CDH4: variants seen among roughly 807,000 people sequenced by gnomAD.
The protein encoded by CDH4 is cadherin-4.
A neutral mutation model predicts 86.0 loss-of-function variants in CDH4; 33 were observed. That is an observed-to-expected ratio of 0.38 (90% CI 0.29 to 0.51). The LOEUF (loss-of-function observed/expected upper bound fraction) is 0.51. Ranked by LOEUF, CDH4 falls within the 20% of genes least tolerant of loss-of-function variation. The pLI, the probability that CDH4 is intolerant of heterozygous loss-of-function variation, is 0.86. For synonymous variants in CDH4, 555 were observed against 549.4 expected (o/e 1.01, Z -0.14); for missense variants, 1,114 against 1,307.4 (o/e 0.85, Z 2.28).
chr20:61,750,791 G>A (rs2088483026), intron 3 of CDH4, among the ~76,000 whole-genome samples: 1 of 152,238 alleles, frequency 6.6e-6, no homozygotes, highest in Non-Finnish European at 1.5e-5. Flanking sequence ...AGTAAGGTTA[G>A]CAAGGGTGCT....
Position 61,902,719 on chromosome 20 carries a change from C to T in CDH4, c.1188+7672C>T, listed in dbSNP as rs763018270. ...AAGATTCAGGCCACAGGCTTGTTGT[C>T]GAGCCCTGACTTCACCTATAGCAAA... On this transcript the variant is annotated intron_variant, in intron 8 of 15. Coordinates refer to ENST00000614565, the MANE Select transcript of CDH4 (RefSeq NM_001794.5). The surrounding 1 kb of genome is among the most constrained non-coding windows in gnomAD (Gnocchi z 4.6). 2.6e-5 allele frequency among the ~76,000 whole-genome samples: 4 copies of T among 152,172 alleles called. No individual in the cohort carries two copies. Among genetic ancestry groups the T allele is most frequent in the Admixed American group, 2.0e-4 (3 of 15,282 alleles).
At chr20:61,920,117 G>GGTA (rs2054957836) in intron 9 of CDH4, among the ~76,000 whole-genome samples, 2 of 148,838 alleles carry the variant, frequency 1.3e-5, no homozygotes, top group African/African-American at 2.5e-5. Flanking sequence ...TTGGAAGCGT[G>GGTA]TCACGGTGAT....
At chr20:61,702,045 C>G (rs926131983) in intron 2 of CDH4, among the ~76,000 whole-genome samples, 3 of 152,140 alleles carry the variant, frequency 2.0e-5, no homozygotes, top group African/African-American at 7.2e-5. Context: ...CCCTCTTCAC[C>G]GAAGTGCAGT....
At chr20:61,427,778 C>T (rs997697668) in intron 2 of CDH4, among the ~76,000 whole-genome samples, 3 of 152,052 alleles carry the variant, frequency 2.0e-5, no homozygotes, top group Non-Finnish European at 2.9e-5. Context: ...ACCCTTCCCT[C>T]ACTGCAGGCA....
chr20:61,911,462 G>T (rs562785641), intron 9 of CDH4, among the ~76,000 whole-genome samples: 1 of 152,316 alleles, frequency 6.6e-6, no homozygotes, highest in South Asian at 2.1e-4. Context: ...TTAGTGTGAA[G>T]AAGTTTAGCA....
rs1383964733 is a variant in CDH4, at chr20:61,879,114, G to A, written c.1050+5214G>A. 5.9e-5 allele frequency among the ~76,000 whole-genome samples: 9 copies of A among 152,248 alleles called. No homozygotes were observed. Among genetic ancestry groups the A allele is most frequent in the Non-Finnish European group, 1.0e-4 (7 of 68,046 alleles). On this transcript the variant is annotated intron_variant, in intron 7 of 15. Coordinates refer to ENST00000614565, the MANE Select transcript of CDH4 (RefSeq NM_001794.5). The surrounding 1 kb of genome is among the most constrained non-coding windows in gnomAD (Gnocchi z 4.1). ...CGTTGCCAGGCATTAGTAAACCCAC[G>A]CAGGCGGCCACTGACAGCAGTGTAG... is the stretch of plus-strand genomic sequence containing the variant.
intron 2 of CDH4, among the ~76,000 whole-genome samples, chr20:61,477,401 T>C (rs1214661423): frequency 2.0e-5 from 3 of 152,170 alleles, no homozygotes; most frequent in Non-Finnish European, 4.4e-5. Flanking sequence ...CAAAGGCAGG[T>C]ATTGTCAAGA....
At chr20:61,731,553 G>A (rs1301829668) in intron 2 of CDH4, among the ~76,000 whole-genome samples, 2 of 152,206 alleles carry the variant, frequency 1.3e-5, no homozygotes, top group East Asian at 3.9e-4. Flanking sequence ...GGCAGCCTCA[G>A]CTCCTCCACA....
At chr20:61,602,205 C>G (rs1568707453) in intron 2 of CDH4, among the ~76,000 whole-genome samples, 1 of 152,180 alleles carries the variant, frequency 6.6e-6, no homozygotes, top group Non-Finnish European at 1.5e-5. Flanking sequence ...GGGATGCTGC[C>G]AGCACCCTCG....
chr20:61,539,372 C>T (rs1390120673), intron 2 of CDH4, among the ~76,000 whole-genome samples: 1 of 152,192 alleles, frequency 6.6e-6, no homozygotes, highest in African/African-American at 2.4e-5. Context: ...TTCAGGAGCT[C>T]GAAACCCAAG....
intron 2 of CDH4, among the ~76,000 whole-genome samples, chr20:61,520,741 C>T (rs1216022200): frequency 6.6e-6 from 1 of 152,192 alleles, no homozygotes; most frequent in East Asian, 1.9e-4. Context: ...GGCTTCCAGG[C>T]CCCGGATCCT....
chr20:61,774,713 C>A (rs940938182), intron 4 of CDH4, among the ~76,000 whole-genome samples: 1 of 152,086 alleles, frequency 6.6e-6, no homozygotes, highest in African/African-American at 2.4e-5. Context: ...GTGGGTTGTT[C>A]CCCTCCCTGT....
rs1179035199 is a variant in CDH4, at chr20:61,852,890, C to T, written c.869C>T (p.Ser290Phe). 1 of 1,613,734 alleles carries T rather than the reference C, an allele frequency of 6.2e-7. No individual in the cohort carries two copies. The highest frequency in any genetic ancestry group is 1.3e-5 in the African/African-American group (1 of 74,954). Residue 290 changes from serine to phenylalanine, a missense_variant, in exon 6 of 16, where the codon TCC (serine) becomes TTC (phenylalanine). Physicochemically the swap from Ser to Phe is radical, Grantham distance 155. This residue lies in a region of CDH4 where 705 missense variants were observed against 914.1 expected (regional missense o/e 0.77). Coordinates refer to ENST00000614565, the MANE Select transcript of CDH4 (RefSeq NM_001794.5). ...QVYNGSVDEGSKPGTYVMTVT... is the reference protein window; with the variant it reads ...QVYNGSVDEGFKPGTYVMTVT... ...TACAACGGCTCCGTGGACGAGGGCT[C>T]CAAGCCAGGTGAGGCCTTTAGCGTT... is the stretch of plus-strand genomic sequence containing the variant.
intron 7 of CDH4, among the ~76,000 whole-genome samples, chr20:61,884,848 T>C (rs1383136003): frequency 6.6e-6 from 1 of 152,000 alleles, no homozygotes; most frequent in African/African-American, 2.4e-5. Flanking sequence ...CGGGGAAGGC[T>C]TCCTGGAGAG....
At chr20:61,317,255 G>A (rs146746361) in intron 2 of CDH4, among the ~76,000 whole-genome samples, 56 of 152,124 alleles carry the variant, frequency 3.7e-4, no homozygotes, top group African/African-American at 1.2e-3. Flanking sequence ...GCGAGCGCCC[G>A]CAGTCCTGGC....
At chr20:61,933,886 C>T (rs1600792882) in intron 14 of CDH4, among the ~76,000 whole-genome samples, 170 bp from the exon 15 acceptor site, 1 of 152,158 alleles carries the variant, frequency 6.6e-6, no homozygotes, top group African/African-American at 2.4e-5. Flanking sequence ...GGAGGTGGGG[C>T]ATTGTGGAGG....
rs1473116719 is a variant in CDH4, at chr20:61,940,573, G to A, written c.*3630G>A. 3 of 152,362 alleles carry A rather than the reference G, an allele frequency of 2.0e-5. 1 individual carries two copies. The highest frequency in any genetic ancestry group is 4.4e-5 in the Non-Finnish European group (3 of 68,056). 9.4% of individuals were successfully genotyped at this position (152,362 alleles called of 1,614,324 possible). ...GCGGAGCGGTTGTGCGCGGGCAGGCGGGGCGCGCTGCTCCAGAGAATGAAT... is the reference window on the plus strand; with the variant it reads ...GCGGAGCGGTTGTGCGCGGGCAGGCAGGGCGCGCTGCTCCAGAGAATGAAT... On this transcript the variant is annotated 3_prime_UTR_variant, in exon 16 of 16. Coordinates refer to ENST00000614565, the MANE Select transcript of CDH4 (RefSeq NM_001794.5).
At chr20:61,378,558 T>C (rs2084884184) in intron 2 of CDH4, among the ~76,000 whole-genome samples, 1 of 152,226 alleles carries the variant, frequency 6.6e-6, no homozygotes, top group South Asian at 2.1e-4. Flanking sequence ...CTCATCTGTG[T>C]GTCCCTCACT....
intron 2 of CDH4, among the ~76,000 whole-genome samples, chr20:61,363,535 C>A (rs966500549): frequency 1.3e-5 from 2 of 152,022 alleles, no homozygotes; most frequent in African/African-American, 4.8e-5. Context: ...CTGGACTCAA[C>A]AGAAGTGTTA....
Sources: allele counts gnomAD v4.1 joint callset (sites outside exome capture counted in the v4.1 genomes callset), GRCh38; gene constraint gnomAD v4.1.1; regional missense constraint gnomAD v4.1.1; non-coding constraint Gnocchi (gnomAD v3.1); transcripts MANE v1.5; gene names NCBI Gene and HGNC (gene_info 2026-07-23, HGNC 2026-07-21).